Variants in ABR observed in about 807,000 individuals in gnomAD.
ABR encodes the protein active breakpoint cluster region-related protein.
A neutral mutation model predicts 107.2 loss-of-function variants in ABR; 35 were observed. The ratio of observed to expected loss-of-function variants is 0.33; its 90% CI spans 0.25 to 0.43. ABR has a LOEUF of 0.43. Ranked by LOEUF, ABR falls within the 20% of genes least tolerant of loss-of-function variation. The pLI is 1.00. For missense variants in ABR, 815 were observed against 1,115.2 expected (o/e 0.73, Z 3.83); for synonymous variants, 498 against 462.0 (o/e 1.08, Z -1.00).
intron 5 of ABR, among the ~76,000 whole-genome samples, chr17:1,079,835 A>C: frequency 7.3e-6 from 1 of 137,284 alleles, no homozygotes. Context: ...AAAGAAAGAC[A>C]AAGGAGCCCC....
intron 16 of ABR, among the ~76,000 whole-genome samples, chr17:1,033,426 G>A (rs1023817128): frequency 2.2e-4 from 34 of 152,222 alleles, no homozygotes; most frequent in Non-Finnish European, 2.9e-5. Context: ...GCTCTGACAA[G>A]CTGAGCTACG....
chr17:1,082,353 C>A (rs2036290844), intron 5 of ABR, among the ~76,000 whole-genome samples: 1 of 152,062 alleles, frequency 6.6e-6, no homozygotes, highest in African/African-American at 2.4e-5. Flanking sequence ...ATGTTGATGG[C>A]AGATAGGACT....
intron 16 of ABR, among the ~76,000 whole-genome samples, chr17:1,039,026 G>A (rs933219741): frequency 2.6e-4 from 40 of 152,308 alleles, no homozygotes; most frequent in African/African-American, 7.7e-4. Context: ...AGGGTCACCC[G>A]AGGTTGGCCG....
chr17:1,164,953 A>C (rs534334275), intron 1 of ABR, among the ~76,000 whole-genome samples: 1 of 152,274 alleles, frequency 6.6e-6, no homozygotes, highest in South Asian at 2.1e-4. Flanking sequence ...ATATACTTAT[A>C]TTTAAAAATT....
At position 1,034,010 on chromosome 17, in the gene ABR, GCC is replaced by G. The variant is rs373575750; in HGVS notation, c.1791+16038_1791+16039del. ...TTTTGAGGCAGTGTCTTGCTCTGTT[GCC>G]CAGGCTGGAGTGCAGTGGTGCAATC... On this transcript the variant is annotated intron_variant, in intron 16 of 22. Coordinates refer to ENST00000302538, the MANE Select transcript of ABR (RefSeq NM_021962.5). 2.4e-3 allele frequency among the ~76,000 whole-genome samples: 317 copies of G among 133,884 alleles called. 5 individuals are homozygous for G. The highest frequency in any genetic ancestry group is 8.7e-3 in the African/African-American group (300 of 34,426). The allele number at this position is 133,884 out of a possible 152,430, so 87.8% of individuals were successfully genotyped here. A position where few individuals can be genotyped will look rare whatever the true frequency, so the allele number is the denominator to read the frequency against.
At chr17:1,211,986 GC>G (rs1220035247) in intron 1 of ABR, among the ~76,000 whole-genome samples, 1 of 151,948 alleles carries the variant, frequency 6.6e-6, no homozygotes. Flanking sequence ...GGAGGCTGAG[GC>G]ACAAGAATTG....
At chr17:1,109,036 C>T (rs773811373) in intron 2 of ABR, 59 of 1,598,250 alleles carry the variant, frequency 3.7e-5, no homozygotes, top group Non-Finnish European at 4.2e-5. Context: ...GAACCTTGTC[C>T]AGCAAGCCTA....
intron 10 of ABR, among the ~76,000 whole-genome samples, chr17:1,062,947 C>G (rs2034208592): frequency 7.0e-6 from 1 of 143,852 alleles, no homozygotes; most frequent in African/African-American, 2.5e-5. Context: ...TATGCATGTT[C>G]CTCTAGATGC....
intron 1 of ABR, among the ~76,000 whole-genome samples, chr17:1,159,628 GCACAAGGGAAGTATGCGGTACTCACA>G (rs2041201158): frequency 1.4e-5 from 1 of 69,816 alleles, no homozygotes; most frequent in Admixed American, 1.5e-4. Flanking sequence ...CGGTACTCAC[GCACAAGGGAAGTATGCGGTACTCACA>G]CACAGGAGAA....
At chr17:1,074,332 C>T (rs2035524038) in intron 6 of ABR, among the ~76,000 whole-genome samples, 1 of 150,990 alleles carries the variant, frequency 6.6e-6, no homozygotes. Context: ...AGCACACCTG[C>T]CACATGCAGG....
At chr17:1,211,985 G>C (rs1267735941) in intron 1 of ABR, among the ~76,000 whole-genome samples, 1 of 151,886 alleles carries the variant, frequency 6.6e-6, no homozygotes, top group Admixed American at 6.6e-5. Flanking sequence ...GGGAGGCTGA[G>C]GCACAAGAAT....
chr17:1,114,717 G>A (rs1306082940), intron 2 of ABR, among the ~76,000 whole-genome samples: 1 of 152,078 alleles, frequency 6.6e-6, no homozygotes, highest in African/African-American at 2.4e-5. Context: ...AGGTTGCAGT[G>A]AGCCGAGATC....
chr17:1,060,055 A>G (rs186203238), intron 10 of ABR, among the ~76,000 whole-genome samples: 8 of 152,360 alleles, frequency 5.3e-5, no homozygotes, highest in Middle Eastern at 6.8e-3. Context: ...ATCAGAGACA[A>G]TCCAAACACC....
At chr17:1,018,082 G>T (rs147995148) in intron 16 of ABR, among the ~76,000 whole-genome samples, 3 of 149,932 alleles carry the variant, frequency 2.0e-5, no homozygotes, top group Non-Finnish European at 4.4e-5. Flanking sequence ...TTGCTCTGTC[G>T]CCCAGGCTGG....
chr17:1,090,902 A>G (rs955715320), intron 4 of ABR, among the ~76,000 whole-genome samples: 13 of 152,192 alleles, frequency 8.5e-5, no homozygotes, highest in Non-Finnish European at 1.9e-4. Context: ...AGGGAGCTCC[A>G]TGAGTCTGAC....
chr17:1,052,276 G>A (rs1416792967), intron 14 of ABR, among the ~76,000 whole-genome samples: 2 of 151,730 alleles, frequency 1.3e-5, no homozygotes, highest in African/African-American at 4.8e-5. Flanking sequence ...GTGTGTTTGA[G>A]ACGGGCCATG....
intron 2 of ABR, among the ~76,000 whole-genome samples, chr17:1,117,325 C>A (rs557258050): frequency 1.1e-5 from 1 of 88,652 alleles, no homozygotes; most frequent in South Asian, 4.3e-4. Flanking sequence ...GAGTCCTCCC[C>A]AGCGTTATCC....
At chr17:1,189,054 A>C (rs1318970582), upstream of ABR, among the ~76,000 whole-genome samples, 1 of 152,220 alleles carries the variant, frequency 6.6e-6, no homozygotes, top group Non-Finnish European at 1.5e-5. Flanking sequence ...TGGTCAGCTC[A>C]GTCTCATGAA....
intron 2 of ABR, among the ~76,000 whole-genome samples, chr17:1,101,884 C>T (rs917583936): frequency 7.9e-5 from 12 of 152,090 alleles, no homozygotes; most frequent in African/African-American, 1.9e-4. Flanking sequence ...CAGGCTCCCG[C>T]CACCACGCCC....
Sources: gnomAD v4.1 joint callset for allele counts (sites outside exome capture counted in the v4.1 genomes callset) on GRCh38, gnomAD v4.1.1 for gene constraint, MANE v1.5 for transcripts, NCBI Gene and HGNC (gene_info 2026-07-23, HGNC 2026-07-21) for gene names.